Variants in C8orf89 observed in about 807,000 individuals in gnomAD.
C8orf89 encodes putative uncharacterized protein C8orf89.
C8orf89 carries 14 observed loss-of-function variants against 15.8 expected under a neutral mutation model. The observed-to-expected ratio is 0.89, with a 90% confidence interval of 0.59 to 1.39. The LOEUF is 1.39. Ranked by LOEUF, C8orf89 falls within the 40% of genes most tolerant of loss-of-function variation. The probability of loss-of-function intolerance (pLI) is 0.00; values close to 1 mark genes in which losing one functional copy is unlikely to be tolerated. For synonymous variants in C8orf89, 55 were observed against 62.2 expected, an observed-to-expected ratio of 0.88 and a Z score of 0.54; for missense variants, 181 against 184.5, an observed-to-expected ratio of 0.98 and a Z score of 0.11.
rs1338504122 is a variant in C8orf89 at position 73,257,010 on chromosome 8, T to C, written c.244A>G (p.Arg82Gly). 3 of 1,535,314 alleles carry C rather than the reference T, an allele frequency of 2.0e-6. No individual in the cohort carries two copies. Among genetic ancestry groups the C allele is most frequent in the Non-Finnish European group, 2.6e-6 (3 of 1,146,458 alleles). The change falls in exon 2 of 4, where the codon AGA (arginine) becomes GGA (glycine). Residue 82 changes from arginine (R) to glycine (G), a missense_variant. Physicochemically the swap from Arg to Gly is moderately radical, Grantham distance 125. Coordinates refer to ENST00000624510, the MANE Select transcript of C8orf89 (RefSeq NM_001243237.3). ...ACCTCGGCATCAGCACGTGGCAGTC[T>C]TTTAGGAACCTCTAGTGGAGTTGAA... ...VSSTPLEVPK[R>G]LPRADAEVSA...
rs182296821 is a variant in C8orf89, at chr8:73,250,609, G to C, written c.282-286C>G. The stretch of plus-strand genomic sequence containing the variant: ...AGTGGGAGGGAATCAAGATAAACAG[G>C]CCATTTGGATACGTTGAATACCAAC... On this transcript the variant is annotated intron_variant, in intron 2 of 3. Coordinates refer to ENST00000624510, the MANE Select transcript of C8orf89 (RefSeq NM_001243237.3). 1.5e-4 allele frequency among the ~76,000 whole-genome samples: 23 copies of C among 152,148 alleles called. No homozygotes were observed. The East Asian group carries it at 3.3e-3, about 22-fold the overall frequency.
the C8orf89 span, among the ~76,000 whole-genome samples, chr8:73,269,783 G>C: frequency 6.6e-6 from 1 of 152,182 alleles, no homozygotes; most frequent in Non-Finnish European, 1.5e-5. Flanking sequence ...AACAGAGTAA[G>C]CTTCAAAAAG....
the C8orf89 span, among the ~76,000 whole-genome samples, chr8:73,276,118 A>AAATATATT: frequency 6.6e-6 from 1 of 151,834 alleles, no homozygotes; most frequent in Non-Finnish European, 1.5e-5. Flanking sequence ...TTTTTATGGT[A>AAATATATT]AATATATTTT....
At chr8:73,274,289 C>G in the C8orf89 span, among the ~76,000 whole-genome samples, 1,020 of 152,144 alleles carry the variant, frequency 6.7e-3, 8 homozygotes, top group African/African-American at 0.023. Flanking sequence ...GTAGCTGGGA[C>G]TACAGGCACC....
At chr8:73,270,174 T>G in the C8orf89 span, among the ~76,000 whole-genome samples, 13 of 152,308 alleles carry the variant, frequency 8.5e-5, no homozygotes, top group Non-Finnish European at 1.2e-4. Context: ...GTCATTATAA[T>G]AAAAATTTAT....
the C8orf89 span, among the ~76,000 whole-genome samples, chr8:73,280,021 C>T: frequency 1.9e-4 from 29 of 152,272 alleles, no homozygotes; most frequent in African/African-American, 6.7e-4. Flanking sequence ...GTGCACTGTC[C>T]GAATTCCTGA....
At position 73,246,143 on chromosome 8, in the gene C8orf89, T is replaced by C. The variant is rs187562264; in HGVS notation, c.337+4125A>G. Among the ~76,000 whole-genome samples, 390 of 152,292 alleles carry C rather than the reference T, an allele frequency of 2.6e-3. 1 individual carries two copies. The highest frequency in any genetic ancestry group is 9.2e-3 in the African/African-American group (382 of 41,562). On this transcript the variant is annotated intron_variant, in intron 3 of 3. Coordinates refer to ENST00000624510, the MANE Select transcript of C8orf89 (RefSeq NM_001243237.3). Reference sequence around the variant, plus strand: ...TAAATCATTTCTAAATTGGGTGTATTTCAGGAATGCAAGAGTGACTTAACA... The same window carrying C: ...TAAATCATTTCTAAATTGGGTGTATCTCAGGAATGCAAGAGTGACTTAACA...
chr8:73,252,744 A>T (rs1350085943), intron 2 of C8orf89, among the ~76,000 whole-genome samples: 2 of 152,226 alleles, frequency 1.3e-5, no homozygotes, highest in Non-Finnish European at 2.9e-5. Flanking sequence ...AAAGTTCATT[A>T]TAATAGGAAG....
chr8:73,241,351 T>C lies in C8orf89; in HGVS notation c.*106A>G, dbSNP rs976054282. 5.8e-5 allele frequency: 53 copies of C among 914,766 alleles called. No homozygotes were observed. The highest frequency in any genetic ancestry group is 7.2e-5 in the Non-Finnish European group (49 of 677,972). 56.7% of individuals were successfully genotyped at this position (914,766 alleles called of 1,614,324 possible). Reference sequence around the variant, plus strand: ...ATCTATAATGTAAAATATTTATTTATTTACATTTCCATTTTTATATAAATC... The same window carrying C: ...ATCTATAATGTAAAATATTTATTTACTTACATTTCCATTTTTATATAAATC... On this transcript the variant is annotated 3_prime_UTR_variant, in exon 4 of 4. Coordinates refer to ENST00000624510, the MANE Select transcript of C8orf89 (RefSeq NM_001243237.3).
the C8orf89 span, among the ~76,000 whole-genome samples, chr8:73,269,108 C>CT: frequency 2.0e-5 from 3 of 152,144 alleles, no homozygotes; most frequent in South Asian, 6.2e-4. Context: ...TGTCAGGAAT[C>CT]TTTTTAGTGA....
chr8:73,275,026 C>T, the C8orf89 span, among the ~76,000 whole-genome samples: 1 of 152,088 alleles, frequency 6.6e-6, no homozygotes, highest in Admixed American at 6.6e-5. Context: ...GTAAATGACT[C>T]CTAATACACA....
rs1306920430 is a variant in C8orf89 at position 73,259,382 on chromosome 8, A to G, written c.77T>C (p.Phe26Ser). The change falls in exon 1 of 4, where the codon TTT (phenylalanine) becomes TCT (serine). Residue 26 changes from phenylalanine to serine, a missense_variant. Transcript: ENST00000624510. Reference protein sequence around the residue: ...TRSSFGSCLIFESSWKKAVLE... With the variant: ...TRSSFGSCLISESSWKKAVLE... ...AACTGCTTTCTTCCAACTACTCTCA[A>G]AAATCAAACAACTGCCAAAGGAACT... 6.5e-7 allele frequency: 1 copy of G among 1,530,812 alleles called. No homozygotes were observed. The highest frequency in any genetic ancestry group is 2.0e-5 in the Admixed American group (1 of 50,814). 94.8% of individuals were successfully genotyped at this position (1,530,812 alleles called of 1,614,324 possible).
At chr8:73,276,292 T>C in the C8orf89 span, among the ~76,000 whole-genome samples, 16,968 of 151,254 alleles carry the variant, frequency 0.11, 1,201 homozygotes, top group South Asian at 0.18. Flanking sequence ...TTCTTCTGCC[T>C]CAGCCTCCCA....
the C8orf89 span, among the ~76,000 whole-genome samples, chr8:73,285,572 G>A: frequency 6.6e-6 from 1 of 152,240 alleles, no homozygotes; most frequent in African/African-American, 2.4e-5. Context: ...CCGCTCCTTG[G>A]CCAGGGCTCG....
chr8:73,252,062 C>T (rs1813263502), intron 2 of C8orf89, among the ~76,000 whole-genome samples: 1 of 152,144 alleles, frequency 6.6e-6, no homozygotes, highest in South Asian at 2.1e-4. Flanking sequence ...CTGGTAGCAA[C>T]TCTCTCTCTC....
At chr8:73,283,946 G>A in the C8orf89 span, among the ~76,000 whole-genome samples, 5 of 151,846 alleles carry the variant, frequency 3.3e-5, no homozygotes, top group African/African-American at 9.7e-5. Flanking sequence ...GGGAGGCTGA[G>A]GCAGGAGAAC....
rs374058399 is a variant in C8orf89 at position 73,253,862 on chromosome 8, A to G, written c.281+3111T>C. ...GATGAGGGGGTTTTCTAGATATACA[A>G]TCATGTCATCTGCAAACAGGGACAA... On this transcript the variant is annotated intron_variant, in intron 2 of 3. Coordinates refer to ENST00000624510, the MANE Select transcript of C8orf89 (RefSeq NM_001243237.3). Among the ~76,000 whole-genome samples, 10 of 149,674 alleles carry G rather than the reference A, an allele frequency of 6.7e-5. No homozygotes were observed. In the South Asian group the frequency reaches 8.3e-4, roughly 12 times the overall value.
At chr8:73,244,923 C>A (rs1400880038) in intron 3 of C8orf89, among the ~76,000 whole-genome samples, 1 of 152,134 alleles carries the variant, frequency 6.6e-6, no homozygotes, top group Non-Finnish European at 1.5e-5. Context: ...ATGTATTAGT[C>A]CATTTTTATG....
chr8:73,269,523 A>C, the C8orf89 span, among the ~76,000 whole-genome samples: 9 of 152,236 alleles, frequency 5.9e-5, no homozygotes, highest in Admixed American at 5.9e-4. Context: ...AAGCAATGGC[A>C]GATGCACAGT....
Sources: gnomAD v4.1 joint callset for allele counts (sites outside exome capture counted in the v4.1 genomes callset) on GRCh38, gnomAD v4.1.1 for gene constraint, MANE v1.5 for transcripts, NCBI Gene and HGNC (gene_info 2026-07-23, HGNC 2026-07-21) for gene names.